The following ASIC5 variants were observed in gnomAD, a reference collection of about 807,000 sequenced individuals.
ASIC5 encodes acid sensing ion channel subunit family member 5, also known as bile acid-sensitive ion channel.
A neutral mutation model predicts 51.2 loss-of-function variants in ASIC5; 52 were observed. The ratio of observed to expected loss-of-function variants is 1.02; its 90% confidence interval spans 0.81 to 1.28. The LOEUF (loss-of-function observed/expected upper bound fraction) is 1.28. Ranked by LOEUF, ASIC5 falls within the 50% of genes most tolerant of loss-of-function variation. The probability of loss-of-function intolerance (pLI) is 0.00; values close to 1 mark genes in which losing one functional copy is unlikely to be tolerated. For missense variants in ASIC5, 635 were observed against 595.0 expected, an observed-to-expected ratio of 1.07 and a Z score of -0.70; for synonymous variants, 231 against 200.7, an observed-to-expected ratio of 1.15 and a Z score of -1.28.
intron 1 of ASIC5, 37 bp downstream of exon 1, chr4:155,866,150 A>G (rs952147405): frequency 2.8e-6 from 4 of 1,405,764 alleles, no homozygotes; most frequent in South Asian, 2.6e-5. Context: ...TAGAAATGAA[A>G]AATATTACTG....
At chr4:155,851,568 G>T (rs9917918) in intron 4 of ASIC5, among the ~76,000 whole-genome samples, 9,500 of 151,880 alleles carry the variant, frequency 0.063, 992 homozygotes, top group African/African-American at 0.22. Context: ...TAAACAAAAG[G>T]TCAGAATTAA....
intron 8 of ASIC5, among the ~76,000 whole-genome samples, chr4:155,832,814 G>T (rs1393916630): frequency 6.6e-6 from 1 of 151,978 alleles, no homozygotes; most frequent in East Asian, 1.9e-4. Context: ...TACCACCTTT[G>T]CCCAAGCCTT....
intron 8 of ASIC5, among the ~76,000 whole-genome samples, chr4:155,836,246 C>T (rs1740976694): frequency 6.6e-6 from 1 of 152,198 alleles, no homozygotes; most frequent in Non-Finnish European, 1.5e-5. Context: ...CCCTGACTAC[C>T]TTCACAGAAC....
At chr4:155,847,672 A>G (rs2111247387) in intron 4 of ASIC5, among the ~76,000 whole-genome samples, 1 of 152,202 alleles carries the variant, frequency 6.6e-6, no homozygotes, top group East Asian at 1.9e-4. Context: ...CAGTGAGCCA[A>G]GATCATGTCA....
chr4:155,865,311 A>T (rs1368463106), intron 1 of ASIC5, among the ~76,000 whole-genome samples: 1 of 152,134 alleles, frequency 6.6e-6, no homozygotes, highest in Non-Finnish European at 1.5e-5. Flanking sequence ...GCATAATCCC[A>T]GAGAAAAATC....
At chr4:155,844,063 A>G (rs1328456300) in intron 4 of ASIC5, among the ~76,000 whole-genome samples, 2 of 152,114 alleles carry the variant, frequency 1.3e-5, no homozygotes, top group African/African-American at 2.4e-5. Flanking sequence ...TACTCAGGAC[A>G]GTCCTGAAAT....
chr4:155,845,425 T>G (rs971763493), intron 4 of ASIC5, among the ~76,000 whole-genome samples: 7 of 151,694 alleles, frequency 4.6e-5, no homozygotes, highest in East Asian at 1.9e-4. Context: ...TTCCTTCAGT[T>G]GACTGAATTC....
chr4:155,833,790 C>A (rs1347743331), intron 8 of ASIC5, among the ~76,000 whole-genome samples: 1 of 152,196 alleles, frequency 6.6e-6, no homozygotes, highest in Non-Finnish European at 1.5e-5. Context: ...ATTTGCTCAA[C>A]TTCTCTCAGG....
At chr4:155,862,187 A>T (rs1423639802) in intron 2 of ASIC5, among the ~76,000 whole-genome samples, 3 of 152,084 alleles carry the variant, frequency 2.0e-5, no homozygotes, top group Non-Finnish European at 2.9e-5. Flanking sequence ...GTATGAAGCA[A>T]TAGTATTGAA....
chr4:155,832,590 G>C (rs1740893239), intron 8 of ASIC5, among the ~76,000 whole-genome samples: 2 of 152,060 alleles, frequency 1.3e-5, no homozygotes, highest in Admixed American at 1.3e-4. Context: ...CCCCTACCTT[G>C]AACTTCAATA....
At chr4:155,863,925 A>T (rs1047275934) in intron 1 of ASIC5, among the ~76,000 whole-genome samples, 171 bp from the exon 2 acceptor site, 6 of 152,206 alleles carry the variant, frequency 3.9e-5, no homozygotes, top group Non-Finnish European at 8.8e-5. Context: ...GGAATCAAGA[A>T]GTGTAAGTGT....
intron 4 of ASIC5, among the ~76,000 whole-genome samples, chr4:155,844,346 G>T (rs145806193): frequency 4.6e-5 from 7 of 151,774 alleles, no homozygotes; most frequent in Non-Finnish European, 1.0e-4. Flanking sequence ...TCCTTTTTTT[G>T]TGGGAGTTTC....
At chr4:155,830,192 G>A (rs1177817625) in intron 9 of ASIC5, 146 bp from the exon 10 acceptor site, 1 of 551,022 alleles carries the variant, frequency 1.8e-6, no homozygotes, top group Non-Finnish European at 3.1e-6. Flanking sequence ...ATATGAATAA[G>A]GTAATAGCAA....
rs371946061 is a variant in ASIC5, at chr4:155,829,992, A to G, written c.1382T>C (p.Ile461Thr). 22 of 1,598,558 alleles carry G rather than the reference A, an allele frequency of 1.4e-5. No homozygotes were observed. The highest frequency in any genetic ancestry group is 1.8e-5 in the Non-Finnish European group (21 of 1,172,024). ...LFCGASLITI[I>T]EIIEYLFTNF... ...GGTGAATAGATATTCAATAATTTCT[A>G]TGATCGTGATCAGACTGGCCCCACA... The change falls in exon 10 of 10, where the codon ATA (isoleucine) becomes ACA (threonine). Residue 461 changes from isoleucine to threonine, a missense_variant. Transcript: ENST00000537611.
intron 6 of ASIC5, among the ~76,000 whole-genome samples, chr4:155,840,066 G>C (rs1741082268): frequency 6.6e-6 from 1 of 152,132 alleles, no homozygotes; most frequent in Non-Finnish European, 1.5e-5. Flanking sequence ...ATTCCTGAAT[G>C]CATTTGATAT....
At chr4:155,847,559 A>G (rs1741283352) in intron 4 of ASIC5, among the ~76,000 whole-genome samples, 1 of 151,958 alleles carries the variant, frequency 6.6e-6, no homozygotes, top group African/African-American at 2.4e-5. Flanking sequence ...CATCTCTACT[A>G]AAAATACAAA....
chr4:155,842,900 C>A (rs1306612708), intron 5 of ASIC5, among the ~76,000 whole-genome samples: 1 of 152,022 alleles, frequency 6.6e-6, no homozygotes, highest in African/African-American at 2.4e-5. Context: ...GAGAGAGAGT[C>A]CTGCTGGTAG....
chr4:155,836,111 G>C (rs1740973593), intron 8 of ASIC5, among the ~76,000 whole-genome samples: 1 of 152,188 alleles, frequency 6.6e-6, no homozygotes, highest in Admixed American at 6.5e-5. Flanking sequence ...TTAAGAGGCT[G>C]TATGGTATAG....
chr4:155,852,825 T>C (rs1292399316), intron 3 of ASIC5, among the ~76,000 whole-genome samples: 1 of 152,002 alleles, frequency 6.6e-6, no homozygotes, highest in African/African-American at 2.4e-5. Flanking sequence ...AGAATTGATA[T>C]GTGTCCCAAG....
Sources: allele counts gnomAD v4.1 joint callset (sites outside exome capture counted in the v4.1 genomes callset), GRCh38; gene constraint gnomAD v4.1.1; transcripts MANE v1.5; gene names NCBI Gene and HGNC (gene_info 2026-07-23, HGNC 2026-07-21).